ADGRL3: variants seen among roughly 807,000 people sequenced by gnomAD.
The protein encoded by ADGRL3 is adhesion G protein-coupled receptor L3.
In ADGRL3, 62 loss-of-function variants were observed where a neutral mutation model predicts 153.5. That is an observed-to-expected ratio of 0.40 (90% CI 0.33 to 0.50). The LOEUF is 0.50. ADGRL3 is among the 20% of genes least tolerant of loss of function. The pLI is 0.47. For synonymous variants in ADGRL3, 710 were observed against 672.5 expected (o/e 1.06, Z -0.86); for missense variants, 1,641 against 1,859.4 (o/e 0.88, Z 2.16).
intron 13 of ADGRL3, among the ~76,000 whole-genome samples, chr4:61,922,143 T>G (rs1246998812): frequency 6.6e-6 from 1 of 152,172 alleles, no homozygotes; most frequent in Non-Finnish European, 1.5e-5. Context: ...CTGAGTTTGC[T>G]CTTATCAATG....
chr4:61,983,552 T>C lies in ADGRL3; in HGVS notation c.3185T>C (p.Ile1062Thr), dbSNP rs541435116. The C allele has an allele frequency of 6.1e-5, 98 of 1,613,986 alleles. No homozygotes were observed. Among genetic ancestry groups the C allele is most frequent in the African/African-American group, 8.0e-5 (6 of 75,052 alleles). ...YLVGYGMPAL[I>T]VAVSAAVDYR... ...GTCGGCTATGGGATGCCTGCACTCA[T>C]TGTGGCTGTGTCAGCTGCAGTAGAC... is the stretch of plus-strand genomic sequence containing the variant. The change falls in exon 19 of 27, where the codon ATT becomes ACT. Residue 1062 changes from isoleucine (I) to threonine (T), a missense_variant. Around this residue, in one of 5 missense-constraint regions of ADGRL3, gnomAD observed 32 missense variants for 66.2 expected, o/e 0.48. Transcript: ENST00000683033.
intron 1 of ADGRL3, among the ~76,000 whole-genome samples, chr4:61,370,499 T>C (rs1367715092): frequency 6.6e-6 from 1 of 152,174 alleles, no homozygotes; most frequent in African/African-American, 2.4e-5. Context: ...CCAGTAGTCA[T>C]TCAGGAGCAG....
At chr4:61,334,197 G>A (rs1284325528) in intron 1 of ADGRL3, among the ~76,000 whole-genome samples, 4 of 152,278 alleles carry the variant, frequency 2.6e-5, no homozygotes, top group South Asian at 2.1e-4. Context: ...GATTACAGGC[G>A]TAAGCCACCG....
chr4:61,467,761 T>A (rs554995844), intron 2 of ADGRL3, among the ~76,000 whole-genome samples: 12 of 152,276 alleles, frequency 7.9e-5, no homozygotes, highest in Admixed American at 4.6e-4. Context: ...TTATCCTTAA[T>A]TTAAGAAATT....
chr4:61,615,908 G>A (rs2091946947), intron 5 of ADGRL3, among the ~76,000 whole-genome samples: 1 of 151,998 alleles, frequency 6.6e-6, no homozygotes, highest in African/African-American at 2.4e-5. Context: ...AAATTCCTTA[G>A]AGACACCTTG....
At chr4:61,913,048 T>C (rs2098729237) in intron 13 of ADGRL3, among the ~76,000 whole-genome samples, 1 of 151,866 alleles carries the variant, frequency 6.6e-6, no homozygotes, top group Admixed American at 6.6e-5. Flanking sequence ...TTCATAGAGG[T>C]GGGTTTGAAA....
At chr4:61,431,262 A>G (rs1212448841) in intron 2 of ADGRL3, among the ~76,000 whole-genome samples, 1 of 152,200 alleles carries the variant, frequency 6.6e-6, no homozygotes, top group Non-Finnish European at 1.5e-5. Flanking sequence ...AGGTGCTTAA[A>G]CAATCCTTCT....
chr4:61,584,741 G>A (rs749815529), intron 4 of ADGRL3, among the ~76,000 whole-genome samples: 8 of 151,524 alleles, frequency 5.3e-5, no homozygotes, highest in Non-Finnish European at 1.0e-4. Context: ...AAACATTCAG[G>A]GAATTCTGAT....
chr4:61,670,440 A>G (rs1486549112), intron 5 of ADGRL3, among the ~76,000 whole-genome samples: 1 of 152,126 alleles, frequency 6.6e-6, no homozygotes, highest in Non-Finnish European at 1.5e-5. Flanking sequence ...TTCACACACA[A>G]GTATGTTATA....
At chr4:61,608,476 A>G (rs866346205) in intron 5 of ADGRL3, among the ~76,000 whole-genome samples, 12 of 152,358 alleles carry the variant, frequency 7.9e-5, no homozygotes, top group African/African-American at 2.6e-4. Context: ...ACTGAGGCGA[A>G]TATTAGAAAT....
intron 8 of ADGRL3, among the ~76,000 whole-genome samples, chr4:61,756,095 C>G (rs934637455): frequency 1.3e-5 from 2 of 152,138 alleles, no homozygotes; most frequent in Admixed American, 6.6e-5. Flanking sequence ...ATTGACTTGG[C>G]AATGCGGGCT....
intron 8 of ADGRL3, among the ~76,000 whole-genome samples, chr4:61,763,532 C>T (rs563046021): frequency 1.3e-5 from 2 of 152,164 alleles, no homozygotes; most frequent in South Asian, 4.2e-4. Context: ...AGCTGAGTGG[C>T]ACATTTACGA....
At chr4:61,490,705 AAAAAAG>A (rs1288680041) in intron 2 of ADGRL3, among the ~76,000 whole-genome samples, 1 of 151,900 alleles carries the variant, frequency 6.6e-6, no homozygotes, top group African/African-American at 2.4e-5. Context: ...ATTGAAAAAA[AAAAAAG>A]AAAAGATCCT....
rs568161791 is a variant in ADGRL3 at position 61,391,894 on chromosome 4, C to T, written c.-174+8705C>T. ...TTTTTTTTTGAGATGGAGTCTGGCT[C>T]TGTCACCCAGGCTGGAGTGCAGTGG... On this transcript the variant is annotated intron_variant, in intron 2 of 26. Transcript: ENST00000683033. Among the ~76,000 whole-genome samples the T allele has an allele frequency of 6.2e-5, 8 of 128,718 alleles. No individual in the cohort carries two copies. In the South Asian group the frequency reaches 1.0e-3, roughly 17 times the overall value. 84.4% of individuals were successfully genotyped at this position (128,718 alleles called of 152,430 possible). A position where few individuals can be genotyped will look rare whatever the true frequency, so the allele number is the denominator to read the frequency against.
At chr4:61,600,708 G>A (rs553541481) in intron 5 of ADGRL3, among the ~76,000 whole-genome samples, 1 of 152,184 alleles carries the variant, frequency 6.6e-6, no homozygotes, top group South Asian at 2.1e-4. Flanking sequence ...TGAATCAGAG[G>A]TGTCATTCCC....
At chr4:61,579,753 G>T in intron 4 of ADGRL3, 1 of 297,264 alleles carries the variant, frequency 3.4e-6, no homozygotes, top group South Asian at 2.7e-5. Flanking sequence ...GTTGTCTTTG[G>T]TTATTCTTTT....
At chr4:61,706,182 G>A (rs1480059505) in intron 6 of ADGRL3, among the ~76,000 whole-genome samples, 4 of 152,066 alleles carry the variant, frequency 2.6e-5, no homozygotes, top group Admixed American at 2.6e-4. Flanking sequence ...AACACTTTGG[G>A]AGGTCAAGGT....
chr4:61,573,680 C>G (rs886912405), intron 4 of ADGRL3, among the ~76,000 whole-genome samples: 4 of 151,884 alleles, frequency 2.6e-5, no homozygotes, highest in Non-Finnish European at 5.9e-5. Flanking sequence ...GTCTTTGGAG[C>G]ATCTTTGGAC....
intron 2 of ADGRL3, among the ~76,000 whole-genome samples, chr4:61,457,860 A>AGATAGATAGAT (rs2097771090): frequency 1.4e-5 from 2 of 146,226 alleles, no homozygotes; most frequent in African/African-American, 5.2e-5. Context: ...ACAGATAGAT[A>AGATAGATAGAT]GATAGATAGA....
Sources: allele counts gnomAD v4.1 joint callset (sites outside exome capture counted in the v4.1 genomes callset), GRCh38; gene constraint gnomAD v4.1.1; regional missense constraint gnomAD v4.1.1; transcripts MANE v1.5; gene names NCBI Gene and HGNC (gene_info 2026-07-23, HGNC 2026-07-21).